PTPRC: variants seen among roughly 807,000 people sequenced by gnomAD.
PTPRC encodes the protein receptor-type tyrosine-protein phosphatase C.
A neutral mutation model predicts 155.9 loss-of-function variants in PTPRC; 44 were observed. That is an observed-to-expected ratio of 0.28 (90% CI 0.22 to 0.36). The LOEUF (loss-of-function observed/expected upper bound fraction) is 0.36, where lower values mean the gene tolerates loss of function less well. Ranked by LOEUF, PTPRC falls within the 10% of genes least tolerant of loss-of-function variation. The pLI, the probability that PTPRC is intolerant of heterozygous loss-of-function variation, is 1.00. For synonymous variants in PTPRC, 525 were observed against 533.1 expected (o/e 0.98, Z 0.21); for missense variants, 1,401 against 1,564.6 (o/e 0.90, Z 1.76).
intron 2 of PTPRC, among the ~76,000 whole-genome samples, chr1:198,666,478 A>G (rs1664314322): frequency 6.6e-6 from 1 of 152,202 alleles, no homozygotes; most frequent in African/African-American, 2.4e-5. Context: ...TAAAGAAATA[A>G]TAAAAGCATT....
Position 198,639,356 on chromosome 1 carries a change from A to G in PTPRC, c.73+15A>G. The stretch of plus-strand genomic sequence containing the variant: ...ATTTGTGACAGGTAAGTACAAGGAT[A>G]TTAATATTTTTTAAATTATTTTTTC... On this transcript the variant is annotated intron_variant, in intron 2 of 32. Transcript: ENST00000442510. 2 of 1,568,532 alleles carry G rather than the reference A, an allele frequency of 1.3e-6. No homozygotes were observed. The highest frequency in any genetic ancestry group is 1.7e-6 in the Non-Finnish European group (2 of 1,144,134).
chr1:198,731,631 C>T lies in PTPRC; in HGVS notation c.1879C>T (p.Leu627=), dbSNP rs1654391777. 1 of 1,608,326 alleles carries T rather than the reference C, an allele frequency of 6.2e-7. No individual in the cohort carries two copies. The highest frequency in any genetic ancestry group is 1.7e-5 in the Admixed American group (1 of 59,822). ...TATGTTTCCAGATGATGAAAAACAA[C>T]TGATGAATGTGGAGCCAATCCATGC... ...ELVERDDEKQ[L]MNVEPIHADI... is the part of the protein sequence containing the mutation. Residue 627 remains leucine (L), a synonymous_variant, in exon 18 of 33, where the codon CTG becomes TTG. Coordinates refer to ENST00000442510, the MANE Select transcript of PTPRC (RefSeq NM_002838.5).
At chr1:198,685,759 A>G (rs1034624371) in intron 2 of PTPRC, among the ~76,000 whole-genome samples, 1 of 152,016 alleles carries the variant, frequency 6.6e-6, no homozygotes, top group East Asian at 1.9e-4. Flanking sequence ...CCACTTTTGT[A>G]CAGGCTTTAT....
chr1:198,723,779 A>ACAG (rs145818306), intron 15 of PTPRC, among the ~76,000 whole-genome samples: 277 of 152,352 alleles, frequency 1.8e-3, no homozygotes, highest in Middle Eastern at 6.8e-3. Flanking sequence ...AGCAGTGCAC[A>ACAG]CAGCAATCCA....
chr1:198,708,132 G>A lies in PTPRC; in HGVS notation c.905-1G>A, dbSNP rs1653096986. 6.2e-7 allele frequency: 1 copy of A among 1,601,910 alleles called. No individual in the cohort carries two copies. Among genetic ancestry groups the A allele is most frequent in the African/African-American group, 1.3e-5 (1 of 74,548 alleles). ...AGTTTATTTCTGTATCTTCTTGTCA[G>A]GGGTTGAAAAGTTTCAGTTACATGA... On this transcript the variant is annotated splice_acceptor_variant, in intron 9 of 32. Coordinates refer to ENST00000442510, the MANE Select transcript of PTPRC (RefSeq NM_002838.5). LOFTEE classifies it high-confidence loss of function.
intron 12 of PTPRC, among the ~76,000 whole-genome samples, chr1:198,713,848 G>A (rs747557211): frequency 2.6e-5 from 4 of 152,074 alleles, no homozygotes; most frequent in Non-Finnish European, 5.9e-5. Context: ...TGTGCTGTGG[G>A]GAAGGAACCA....
At chr1:198,703,219 T>C in intron 6 of PTPRC, 79 bp from the exon 7 acceptor site, 1 of 1,599,400 alleles carries the variant, frequency 6.3e-7, no homozygotes, top group Middle Eastern at 1.7e-4. Flanking sequence ...TAGGAAATTA[T>C]CTTTGCTAAA....
chr1:198,670,836 A>G (rs1311962260), intron 2 of PTPRC, among the ~76,000 whole-genome samples: 1 of 152,138 alleles, frequency 6.6e-6, no homozygotes, highest in Non-Finnish European at 1.5e-5. Context: ...CCAACCATGG[A>G]TTGAAAATAT....
At chr1:198,750,221 A>G in intron 28 of PTPRC, 1 of 446,072 alleles carries the variant, frequency 2.2e-6, no homozygotes, top group Non-Finnish European at 4.1e-6. Flanking sequence ...TTATAGAGAA[A>G]CAAAAATGTG....
chr1:198,706,194 G>T (rs965424264), intron 8 of PTPRC, among the ~76,000 whole-genome samples: 3 of 152,152 alleles, frequency 2.0e-5, no homozygotes, highest in African/African-American at 7.2e-5. Flanking sequence ...CTAAACAAAG[G>T]TGCTTTGGAG....
At chr1:198,714,763 C>T (rs1189522308) in intron 12 of PTPRC, among the ~76,000 whole-genome samples, 1 of 152,162 alleles carries the variant, frequency 6.6e-6, no homozygotes, top group African/African-American at 2.4e-5. Context: ...TAACTTTTCT[C>T]ACCATTTTAA....
chr1:198,664,530 T>C (rs981259049), intron 2 of PTPRC, among the ~76,000 whole-genome samples: 14 of 152,180 alleles, frequency 9.2e-5, no homozygotes, highest in African/African-American at 3.4e-4. Flanking sequence ...TTAAAATTCT[T>C]TCTCAACTAC....
chr1:198,723,985 C>T lies in PTPRC; in HGVS notation c.1720+1509C>T, dbSNP rs536495650. Among the ~76,000 whole-genome samples, 3 of 152,320 alleles carry T rather than the reference C, an allele frequency of 2.0e-5. No individual in the cohort carries two copies. In the South Asian group the frequency reaches 6.2e-4, roughly 32 times the overall value. ...CACTCAGGGAAACCCAAAGCTGGTACTTCCCATGAGGACAATAGAGTTCAC... is the reference window on the plus strand; with the variant it reads ...CACTCAGGGAAACCCAAAGCTGGTATTTCCCATGAGGACAATAGAGTTCAC... On this transcript the variant is annotated intron_variant, in intron 15 of 32. Coordinates refer to ENST00000442510, the MANE Select transcript of PTPRC (RefSeq NM_002838.5).
chr1:198,664,742 T>A (rs1351053416), intron 2 of PTPRC, among the ~76,000 whole-genome samples: 1 of 152,074 alleles, frequency 6.6e-6, no homozygotes, highest in African/African-American at 2.4e-5. Context: ...CTACAAAATC[T>A]CCTCTCCGAG....
intron 20 of PTPRC, among the ~76,000 whole-genome samples, chr1:198,733,060 T>C (rs1220616195): frequency 6.6e-6 from 1 of 151,848 alleles, no homozygotes; most frequent in Non-Finnish European, 1.5e-5. Context: ...CATCTATCCA[T>C]TGGATTTATG....
chr1:198,640,956 T>G (rs1290012608), intron 2 of PTPRC, among the ~76,000 whole-genome samples: 3 of 152,016 alleles, frequency 2.0e-5, no homozygotes, highest in East Asian at 1.9e-4. Context: ...ACAGGATGTT[T>G]TTTTAACCAT....
At chr1:198,743,033 A>G (rs1407142746) in intron 25 of PTPRC, among the ~76,000 whole-genome samples, 1 of 150,720 alleles carries the variant, frequency 6.6e-6, no homozygotes, top group African/African-American at 2.4e-5. Context: ...AACATTTGCA[A>G]GAATGTGCAT....
In PTPRC at chr1:198,643,069, G is replaced by A. The variant is rs556862651; in HGVS notation, c.73+3728G>A. Among the ~76,000 whole-genome samples the A allele has an allele frequency of 1.2e-4, 18 of 151,552 alleles. 1 individual carries two copies. Among genetic ancestry groups the A allele is most frequent in the Non-Finnish European group, 1.9e-4 (13 of 67,812 alleles). On this transcript the variant is annotated intron_variant, in intron 2 of 32. Transcript: ENST00000442510. ...TTTCTCAAGGTGTTTAAGGTTCTGG[G>A]CAAATCCTACTTCTTCTATTATGTT...
rs114559469 is a variant in PTPRC, at chr1:198,655,027, A to G, written c.73+15686A>G. 5.6e-3 allele frequency among the ~76,000 whole-genome samples: 851 copies of G among 152,098 alleles called. 9 individuals carry two copies. The highest frequency in any genetic ancestry group is 0.019 in the African/African-American group (786 of 41,544). On this transcript the variant is annotated intron_variant, in intron 2 of 32. Transcript: ENST00000442510. ...TTTTATTGTCTTAGATTGCATGGAT[A>G]CAATCAAAATAAGTTAATTTGTATA...
Sources: allele counts gnomAD v4.1 joint callset (sites outside exome capture counted in the v4.1 genomes callset), GRCh38; gene constraint gnomAD v4.1.1; transcripts MANE v1.5; gene names NCBI Gene and HGNC (gene_info 2026-07-23, HGNC 2026-07-21).